The following NUTM1 variants were observed in gnomAD, a reference collection of about 807,000 sequenced individuals.
The protein encoded by NUTM1 is NUT midline carcinoma family member 1.
A neutral mutation model predicts 88.7 loss-of-function variants in NUTM1; 39 were observed. That is an observed-to-expected ratio of 0.44 (90% CI 0.34 to 0.57). NUTM1 has a LOEUF of 0.57. Among genes scored for constraint, NUTM1 ranks in the 20% least tolerant of loss-of-function variants. The pLI is 0.01. For missense variants in NUTM1, 1,350 were observed against 1,414.5 expected, an observed-to-expected ratio of 0.95 and a Z score of 0.73; for synonymous variants, 494 against 538.0, an observed-to-expected ratio of 0.92 and a Z score of 1.13.
intron 2 of NUTM1, among the ~76,000 whole-genome samples, chr15:34,346,467 G>A (rs539316375): frequency 6.6e-6 from 1 of 150,876 alleles, no homozygotes; most frequent in Non-Finnish European, 1.5e-5. Context: ...AGGGGAAGGG[G>A]ATGTGGAGGA....
chr15:34,348,010 G>A lies in NUTM1; in HGVS notation c.142G>A (p.Ala48Thr), dbSNP rs746741453. ...PGPDMSMKPS[A>T]APSPSPALPF... Reference sequence around the variant, plus strand: ...ACCGGATATGAGCATGAAACCTAGTGCCGCCCCGTCTCCATCCCCTGCACT... The same window carrying A: ...ACCGGATATGAGCATGAAACCTAGTACCGCCCCGTCTCCATCCCCTGCACT... Residue 48 changes from alanine to threonine, a missense_variant, in exon 3 of 8, where the codon GCC becomes ACC. Transcript: ENST00000537011. 6 of 1,613,408 alleles carry A rather than the reference G, an allele frequency of 3.7e-6. No individual in the cohort carries two copies. The highest frequency in any genetic ancestry group is 4.2e-6 in the Non-Finnish European group (5 of 1,179,728).
intron 2 of NUTM1, among the ~76,000 whole-genome samples, chr15:34,347,520 A>C (rs575434168): frequency 1.3e-5 from 2 of 152,112 alleles, no homozygotes; most frequent in African/African-American, 4.8e-5. Context: ...GGCCTCCCAA[A>C]GTGCTGGGAT....
In NUTM1 at chr15:34,352,877, C is replaced by CTT. The variant is rs778786955; in HGVS notation, c.939-834_939-833dup. On this transcript the variant is annotated intron_variant, in intron 4 of 7. Coordinates refer to ENST00000537011, the MANE Select transcript of NUTM1 (RefSeq NM_001284292.2). ...TTTACAAGCTCTAGATCATTCTTAA[C>CTT]TTTTTTTTTTTTTTTTTTTTTTTTT... 3.9e-3 allele frequency among the ~76,000 whole-genome samples: 206 copies of CTT among 52,856 alleles called. 11 individuals carry two copies. Among genetic ancestry groups the CTT allele is most frequent in the African/African-American group, 8.1e-3 (117 of 14,518 alleles). 34.7% of individuals were successfully genotyped at this position (52,856 alleles called of 152,430 possible).
chr15:34,347,243 C>A (rs569419647), intron 2 of NUTM1, among the ~76,000 whole-genome samples: 2 of 150,228 alleles, frequency 1.3e-5, no homozygotes, highest in South Asian at 4.2e-4. Context: ...CATAGCGAGA[C>A]GTCATCTCTA....
At chr15:34,351,180 A>G (rs1213713307) in intron 4 of NUTM1, among the ~76,000 whole-genome samples, 1 of 129,540 alleles carries the variant, frequency 7.7e-6, no homozygotes, top group African/African-American at 2.8e-5. Flanking sequence ...GTGAGCCAAG[A>G]TCATGCCTCT....
Position 34,355,599 on chromosome 15 carries a change from G to A in NUTM1, c.1591G>A (p.Asp531Asn), listed in dbSNP as rs1237359605. ...TCCTTCTGGTTCTGTTGAGGATGAA[G>A]ATGGGGATGGGCGGCTTCGGCCCTC... is the stretch of plus-strand genomic sequence containing the variant. ...SSPSGSVEDE[D>N]GDGRLRPSPG... Residue 531 changes from aspartate (D) to asparagine (N), a missense_variant, in exon 8 of 8, where the codon GAT becomes AAT. Asp to Asn is a conservative substitution (Grantham distance 23). Transcript: ENST00000537011. This position sits in a 1 kb window ranked among gnomAD's most constrained non-coding sequence, Gnocchi z 4.3. 1 of 1,613,970 alleles carries A rather than the reference G, an allele frequency of 6.2e-7. No individual in the cohort carries two copies. Among genetic ancestry groups the A allele is most frequent in the African/African-American group, 1.3e-5 (1 of 74,926 alleles).
intron 2 of NUTM1, 120 bp downstream of exon 2, chr15:34,346,155 G>A (rs1180838560): frequency 5.0e-6 from 5 of 998,326 alleles, no homozygotes; most frequent in Non-Finnish European, 4.7e-6. Context: ...TCACACTTGG[G>A]GAGGCTAGGG....
chr15:34,352,536 C>T (rs1169779892), intron 4 of NUTM1, among the ~76,000 whole-genome samples: 2 of 151,532 alleles, frequency 1.3e-5, no homozygotes, highest in Non-Finnish European at 1.5e-5. Flanking sequence ...CATTGGCTCA[C>T]ACCTGTAATC....
chr15:34,352,504 G>A (rs536599682), intron 4 of NUTM1, among the ~76,000 whole-genome samples: 8 of 151,948 alleles, frequency 5.3e-5, no homozygotes, highest in East Asian at 1.9e-4. Flanking sequence ...AGATAGGTAC[G>A]GAAAACAAGT....
At chr15:34,345,685 G>A (rs992775294) in intron 1 of NUTM1, among the ~76,000 whole-genome samples, 5 of 152,198 alleles carry the variant, frequency 3.3e-5, no homozygotes, top group Non-Finnish European at 7.3e-5. Flanking sequence ...ACTGTAATGT[G>A]TTGGGAATCT....
At position 34,350,658 on chromosome 15, in the gene NUTM1, A is replaced by AT. The variant is rs769740547; in HGVS notation, c.810-45dup. 1.5e-5 allele frequency: 24 copies of AT among 1,594,762 alleles called. No homozygotes were observed. The East Asian group carries it at 2.0e-4, about 13-fold the overall frequency. ...TTGATGTAGGTGTCAGGGCAGGTGG[A>AT]TGGGAGCACACTTTTAGAATGTGAC... is the stretch of plus-strand genomic sequence containing the variant. On this transcript the variant is annotated intron_variant, in intron 3 of 7. Transcript: ENST00000537011.
At chr15:34,346,880 C>T (rs2927219) in intron 2 of NUTM1, among the ~76,000 whole-genome samples, 2 of 92 alleles carry the variant, frequency 0.022, 1 homozygote, top group Non-Finnish European at 0.053. Context: ...AAGACTCCAT[C>T]TAAAAAAAAA....
chr15:34,355,151 A>G lies in NUTM1; in HGVS notation c.1479+14A>G, dbSNP rs754906038. Reference sequence around the variant, plus strand: ...ACTCTTGCCCAGGTAAAACTGGGGTATAGGAAATATGAGAACGAGAAGCTT... The same window carrying G: ...ACTCTTGCCCAGGTAAAACTGGGGTGTAGGAAATATGAGAACGAGAAGCTT... On this transcript the variant is annotated intron_variant, in intron 7 of 7. Transcript: ENST00000537011. This position sits in a 1 kb window ranked among gnomAD's most constrained non-coding sequence, Gnocchi z 4.3. 2.0e-6 allele frequency: 3 copies of G among 1,496,530 alleles called. No individual in the cohort carries two copies. Among genetic ancestry groups the G allele is most frequent in the Admixed American group, 3.3e-5 (2 of 59,734 alleles). 92.7% of individuals were successfully genotyped at this position (1,496,530 alleles called of 1,614,324 possible). A position where few individuals can be genotyped will look rare whatever the true frequency, so the allele number is the denominator to read the frequency against.
Position 34,347,974 on chromosome 15 carries a change from G to C in NUTM1, c.106G>C (p.Ala36Pro), listed in dbSNP as rs766323305. The C allele has an allele frequency of 5.0e-6, 8 of 1,602,706 alleles. No individual in the cohort carries two copies. In the African/African-American group the frequency reaches 8.0e-5, roughly 16 times the overall value. Residue 36 changes from alanine to proline, a missense_variant, in exon 3 of 8, where the codon GCA becomes CCA. Transcript: ENST00000537011. The part of the protein sequence containing the change: ...PERMASDGAS[A>P]LPGPDMSMKP... ...CTTTTTCTTTGTCTCAACAGCATCT[G>C]CATTGCCGGGACCGGATATGAGCAT...
Position 34,357,640 on chromosome 15 carries a change from GGA to G in NUTM1, c.*157_*158del. ...GTTGTTCTGCAAAAGTGGCAAGCAT[GGA>G]GAGAGAGGTCAGACTGGCTAGGCTG... On this transcript the variant is annotated 3_prime_UTR_variant, in exon 8 of 8. Transcript: ENST00000537011. The G allele has an allele frequency of 1.4e-6, 2 of 1,448,064 alleles. No individual in the cohort carries two copies. The highest frequency in any genetic ancestry group is 1.9e-6 in the Non-Finnish European group (2 of 1,042,926). The allele number at this position is 1,448,064 out of a possible 1,614,324, so 89.7% of individuals were successfully genotyped here.
chr15:34,348,361 T>A lies in NUTM1; in HGVS notation c.493T>A (p.Ser165Thr). The A allele has an allele frequency of 6.2e-7, 1 of 1,614,242 alleles. No individual in the cohort carries two copies. The highest frequency in any genetic ancestry group is 8.5e-7 in the Non-Finnish European group (1 of 1,180,032). Residue 165 changes from serine (S) to threonine (T), a missense_variant, in exon 3 of 8, where the codon TCT becomes ACT. Transcript: ENST00000537011. ...EGPAPPFVTA[S>T]NVKTILPSKA... ...TCCTGCACCTCCATTTGTGACAGCA[T>A]CTAATGTGAAGACCATTCTGCCCTC...
rs1890640747 is a variant in NUTM1, at chr15:34,348,278, T to C, written c.410T>C (p.Leu137Pro). 3 of 1,614,248 alleles carry C rather than the reference T, an allele frequency of 1.9e-6. No individual in the cohort carries two copies. The highest frequency in any genetic ancestry group is 2.5e-6 in the Non-Finnish European group (3 of 1,180,042). Residue 137 changes from leucine (L) to proline (P), a missense_variant, in exon 3 of 8, where the codon CTT becomes CCT. Physicochemically the swap from Leu to Pro is moderately conservative, Grantham distance 98 (BLOSUM62 -3). Around this residue, in one of 5 missense-constraint regions of NUTM1, gnomAD observed 399 missense variants for 397.9 expected, o/e 1.00. Coordinates refer to ENST00000537011, the MANE Select transcript of NUTM1 (RefSeq NM_001284292.2). ...CCCTCTCAAACTCAGAACTTTATCC[T>C]TACTCAGACTGCCCTCAATTCGACT... ...AEPSQTQNFI[L>P]TQTALNSTAP...
Position 34,355,348 on chromosome 15 carries a change from C to A in NUTM1, c.1480-140C>A. 1 of 790,910 alleles carries A rather than the reference C, an allele frequency of 1.3e-6. No homozygotes were observed. The highest frequency in any genetic ancestry group is 2.1e-6 in the Non-Finnish European group (1 of 487,758). 49.0% of individuals were successfully genotyped at this position (790,910 alleles called of 1,614,324 possible). On this transcript the variant is annotated intron_variant, in intron 7 of 7. Coordinates refer to ENST00000537011, the MANE Select transcript of NUTM1 (RefSeq NM_001284292.2). The surrounding 1 kb of genome is among the most constrained non-coding windows in gnomAD (Gnocchi z 4.3). ...TAAGGCACAAGAAGGTGGGAAAGAG[C>A]TGCAGTATCTGTCTTTGCTACCATC...
At chr15:34,350,933 T>C in intron 4 of NUTM1, 101 bp downstream of exon 4, 1 of 1,475,646 alleles carries the variant, frequency 6.8e-7, no homozygotes, top group Non-Finnish European at 9.4e-7. Flanking sequence ...AAAAGCCATG[T>C]TAGGATGGGG....
Sources: allele counts gnomAD v4.1 joint callset (sites outside exome capture counted in the v4.1 genomes callset), GRCh38; gene constraint gnomAD v4.1.1; regional missense constraint gnomAD v4.1.1; non-coding constraint Gnocchi (gnomAD v3.1); transcripts MANE v1.5; gene names NCBI Gene and HGNC (gene_info 2026-07-23, HGNC 2026-07-21).